Variants in FHL2 observed in about 807,000 individuals in gnomAD.
FHL2 encodes four and a half LIM domains protein 2.
A neutral mutation model predicts 32.7 loss-of-function variants in FHL2; 20 were observed. The ratio of observed to expected loss-of-function variants is 0.61; its 90% CI spans 0.43 to 0.89. The LOEUF (loss-of-function observed/expected upper bound fraction) is 0.89, where lower values mean the gene tolerates loss of function less well. Among genes scored for constraint, FHL2 ranks in the 40% least tolerant of loss-of-function variants. The probability of loss-of-function intolerance (pLI) is 0.00; values close to 1 mark genes in which losing one functional copy is unlikely to be tolerated. For synonymous variants in FHL2, 123 were observed against 128.1 expected, an observed-to-expected ratio of 0.96 and a Z score of 0.27; for missense variants, 311 against 358.6, an observed-to-expected ratio of 0.87 and a Z score of 1.07.
Position 105,386,499 on chromosome 2 carries a change from G to A in FHL2, c.18C>T (p.Asp6=). 6.2e-7 allele frequency: 1 copy of A among 1,614,210 alleles called. No individual in the cohort carries two copies. Among genetic ancestry groups the A allele is most frequent in the Non-Finnish European group, 8.5e-7 (1 of 1,180,028 alleles). The change falls in exon 3 of 7, where the codon GAC becomes GAT. Residue 6 remains aspartate (D), a synonymous_variant. Coordinates refer to ENST00000530340, the MANE Select transcript of FHL2 (RefSeq NM_001318895.3). MTERF[D]CHHCNESLFG... is the part of the protein sequence containing the mutation. Reference sequence around the variant, plus strand: ...AGAGAGATTCGTTGCAATGGTGGCAGTCAAAGCGCTCAGTCATTTTGACTC... The same window carrying A: ...AGAGAGATTCGTTGCAATGGTGGCAATCAAAGCGCTCAGTCATTTTGACTC...
chr2:105,364,101 AC>A (rs1680471615), intron 5 of FHL2, among the ~76,000 whole-genome samples: 1 of 152,136 alleles, frequency 6.6e-6, no homozygotes, highest in Admixed American at 6.6e-5. Context: ...TACTAAAAAT[AC>A]AAAAAATTAG....
chr2:105,433,182 CTT>C (rs758782839), intron 1 of FHL2, among the ~76,000 whole-genome samples: 9 of 102,594 alleles, frequency 8.8e-5, no homozygotes, highest in Non-Finnish European at 1.2e-4. Flanking sequence ...TCTTCTTCTT[CTT>C]TTTTTTTTTT....
At chr2:105,437,927 T>C (rs116018140) in intron 1 of FHL2, among the ~76,000 whole-genome samples, 1,645 of 152,324 alleles carry the variant, frequency 0.011, 17 homozygotes, top group Non-Finnish European at 0.017. Flanking sequence ...CATCAGTAAT[T>C]TGTCTTTTCA....
At chr2:105,372,108 G>A (rs1460071064) in intron 4 of FHL2, among the ~76,000 whole-genome samples, 1 of 152,250 alleles carries the variant, frequency 6.6e-6, no homozygotes, top group Non-Finnish European at 1.5e-5. Context: ...GTCATAGTGT[G>A]TCACAGTTGT....
intron 3 of FHL2, among the ~76,000 whole-genome samples, chr2:105,377,472 A>T (rs1436436867): frequency 1.3e-5 from 2 of 152,068 alleles, no homozygotes; most frequent in African/African-American, 4.8e-5. Context: ...CTCTACTAAA[A>T]ATACAAAAAT....
intron 1 of FHL2, among the ~76,000 whole-genome samples, 173 bp downstream of exon 1, chr2:105,398,669 C>G (rs1399458666): frequency 1.3e-5 from 2 of 152,178 alleles, no homozygotes; most frequent in Non-Finnish European, 2.9e-5. Flanking sequence ...AGACCCCTCC[C>G]ATTGCTCCGC....
intron 2 of FHL2, among the ~76,000 whole-genome samples, chr2:105,392,692 G>A (rs1250113623): frequency 6.6e-6 from 1 of 151,782 alleles, no homozygotes; most frequent in Non-Finnish European, 1.5e-5. Flanking sequence ...GAAAATAAAG[G>A]GAAAAGGAAA....
chr2:105,436,497 T>C (rs1518609), intron 1 of FHL2, among the ~76,000 whole-genome samples: 1 of 152,024 alleles, frequency 6.6e-6, no homozygotes, highest in Non-Finnish European at 1.5e-5. Context: ...ATTTTGAATC[T>C]ACAGTAAAAG....
intron 2 of FHL2, among the ~76,000 whole-genome samples, chr2:105,392,325 T>A (rs1682788890): frequency 6.6e-6 from 1 of 151,950 alleles, no homozygotes; most frequent in African/African-American, 2.4e-5. Context: ...ACACAAAAAA[T>A]TTGCCGGGTG....
intron 1 of FHL2, among the ~76,000 whole-genome samples, chr2:105,435,621 T>C (rs1366857290): frequency 1.3e-5 from 2 of 151,374 alleles, no homozygotes; most frequent in Non-Finnish European, 2.9e-5. Context: ...CAGGAGTTCA[T>C]GACCAGCCTG....
At position 105,389,345 on chromosome 2, in the gene FHL2, T is replaced by C. The variant is rs149169786; in HGVS notation, c.-24-2805A>G. On this transcript the variant is annotated intron_variant, in intron 2 of 6. Coordinates refer to ENST00000530340, the MANE Select transcript of FHL2 (RefSeq NM_001318895.3). ...AAGATTCAATGCTTTCCTGTAATTG[T>C]TCAGTTATTGGCCTTGAAAGTTGCT... 3.2e-3 allele frequency among the ~76,000 whole-genome samples: 495 copies of C among 152,346 alleles called. 5 individuals carry two copies. Among genetic ancestry groups the C allele is most frequent in the African/African-American group, 0.011 (475 of 41,578 alleles).
Position 105,398,880 on chromosome 2 carries a change from G to A in FHL2, c.-114C>T. 1 of 1,515,340 alleles carries A rather than the reference G, an allele frequency of 6.6e-7. No homozygotes were observed. The highest frequency in any genetic ancestry group is 8.8e-7 in the Non-Finnish European group (1 of 1,135,212). The allele number at this position is 1,515,340 out of a possible 1,614,324, so 93.9% of individuals were successfully genotyped here. A position where few individuals can be genotyped will look rare whatever the true frequency, so the allele number is the denominator to read the frequency against. On this transcript the variant is annotated 5_prime_UTR_variant, in exon 1 of 7. Coordinates refer to ENST00000530340, the MANE Select transcript of FHL2 (RefSeq NM_001318895.3). ...TCCGGCTCTGCTCCCCTCTCCTTGG[G>A]TCTCGCACCGGATTCGGCCCCCACT...
At chr2:105,366,736 GTTTA>G (rs1329060855) in intron 5 of FHL2, among the ~76,000 whole-genome samples, 1 of 152,026 alleles carries the variant, frequency 6.6e-6, no homozygotes, top group East Asian at 1.9e-4. Flanking sequence ...GAGTAGATAA[GTTTA>G]TTTATTTATT....
intron 6 of FHL2, chr2:105,363,044 TA>T (rs1680389049): frequency 2.0e-6 from 1 of 490,872 alleles, no homozygotes; most frequent in African/African-American, 1.9e-5. Context: ...AAGCAGAAAC[TA>T]AACTGGAGCA....
At chr2:105,427,039 G>C (rs1573407653) in intron 1 of FHL2, among the ~76,000 whole-genome samples, 1 of 152,210 alleles carries the variant, frequency 6.6e-6, no homozygotes, top group African/African-American at 2.4e-5. Context: ...GAGGATGCCT[G>C]AGAGGGGTGT....
At chr2:105,430,413 T>C (rs1011768051) in intron 1 of FHL2, among the ~76,000 whole-genome samples, 2 of 152,198 alleles carry the variant, frequency 1.3e-5, no homozygotes, top group Non-Finnish European at 2.9e-5. Flanking sequence ...ACGCCTGTAA[T>C]CCCAGCACTT....
chr2:105,368,153 C>A (rs578017482), intron 4 of FHL2, among the ~76,000 whole-genome samples: 1 of 152,126 alleles, frequency 6.6e-6, no homozygotes, highest in Non-Finnish European at 1.5e-5. Context: ...ATAATGAACA[C>A]CCCGTCTGGT....
chr2:105,379,847 T>C (rs1681748861), intron 3 of FHL2, among the ~76,000 whole-genome samples: 1 of 152,244 alleles, frequency 6.6e-6, no homozygotes, highest in African/African-American at 2.4e-5. Context: ...CAAAGCTTCC[T>C]TGGCCAGGGC....
At chr2:105,363,119 C>G in intron 6 of FHL2, 166 bp downstream of exon 6, 1 of 626,658 alleles carries the variant, frequency 1.6e-6, no homozygotes, top group South Asian at 2.1e-5. Context: ...TGAAGCATAG[C>G]CAGTGCACCA....
Sources: gnomAD v4.1 joint callset for allele counts (sites outside exome capture counted in the v4.1 genomes callset) on GRCh38, gnomAD v4.1.1 for gene constraint, MANE v1.5 for transcripts, NCBI Gene and HGNC (gene_info 2026-07-23, HGNC 2026-07-21) for gene names.